The following NOTCH2 variants were observed in gnomAD, a reference collection of about 807,000 sequenced individuals.
NOTCH2 encodes the protein notch receptor 2.
A neutral mutation model predicts 235.8 loss-of-function variants in NOTCH2; 29 were observed. That is an observed-to-expected ratio of 0.12 (90% confidence interval 0.09 to 0.17). The LOEUF is 0.17. Ranked by LOEUF, NOTCH2 falls within the 10% of genes least tolerant of loss-of-function variation. The pLI, the probability that NOTCH2 is intolerant of heterozygous loss-of-function variation, is 1.00. For missense variants in NOTCH2, 2,285 were observed against 3,150.2 expected (o/e 0.73, Z 6.57); for synonymous variants, 1,086 against 1,141.5 (o/e 0.95, Z 0.98).
intron 5 of NOTCH2, among the ~76,000 whole-genome samples, chr1:119,982,688 G>T (rs899328887): frequency 6.6e-6 from 1 of 152,172 alleles, no homozygotes; most frequent in African/African-American, 2.4e-5. Flanking sequence ...CAGTATTCAG[G>T]CTTATCCCTA....
At chr1:119,958,644 G>A (rs1570692931) in intron 12 of NOTCH2, among the ~76,000 whole-genome samples, 1 of 152,028 alleles carries the variant, frequency 6.6e-6, no homozygotes, top group Non-Finnish European at 1.5e-5. Context: ...TTCTGCAGTA[G>A]TAGCCTCTAG....
intron 5 of NOTCH2, among the ~76,000 whole-genome samples, chr1:119,985,743 T>C (rs1651996215): frequency 6.6e-6 from 1 of 152,196 alleles, no homozygotes. Context: ...AGTAATTTTT[T>C]AAGTTGAAAA....
In NOTCH2 at chr1:120,029,427, T is replaced by C. The variant is rs1431193526; in HGVS notation, c.155+479A>G. Among the ~76,000 whole-genome samples the C allele has an allele frequency of 2.0e-5, 3 of 152,132 alleles. No individual in the cohort carries two copies. In the East Asian group the frequency reaches 5.8e-4, roughly 29 times the overall value. ...GTGCAATGATGTGGTGTCAGCTCAC[T>C]GCAACCTCCGCCTCCTGGGTTCAAG... On this transcript the variant is annotated intron_variant, in intron 2 of 33. Transcript: ENST00000256646.
rs2101169022 is a variant in NOTCH2, at chr1:119,929,019, C to T, written c.3849G>A (p.Gln1283=). ...CSSEGSLDCI[Q]LTNDYLCVCR... ...AAACACACAGGTAGTCATTGGTGAG[C>T]TGTATACAGTCCAGGCTGCCCTCAG... The change falls in exon 23 of 34, where the codon CAG becomes CAA. Residue 1283 remains glutamine, a synonymous_variant. Transcript: ENST00000256646. 1 of 1,614,130 alleles carries T rather than the reference C, an allele frequency of 6.2e-7. No homozygotes were observed. The highest frequency in any genetic ancestry group is 8.5e-7 in the Non-Finnish European group (1 of 1,180,022).
chr1:119,996,882 A>G, intron 4 of NOTCH2, 115 bp downstream of exon 4: 2 of 1,316,850 alleles, frequency 1.5e-6, no homozygotes, highest in South Asian at 2.5e-5. Context: ...ACCCCACACA[A>G]AATTCTCACT....
At chr1:119,976,865 A>T (rs587636959) in intron 5 of NOTCH2, among the ~76,000 whole-genome samples, 45 of 151,686 alleles carry the variant, frequency 3.0e-4, no homozygotes, top group African/African-American at 1.1e-3. Flanking sequence ...TCTTATCCTC[A>T]CTCTCCCCAA....
At chr1:120,006,939 C>G (rs182299522) in intron 2 of NOTCH2, among the ~76,000 whole-genome samples, 1 of 152,072 alleles carries the variant, frequency 6.6e-6, no homozygotes, top group African/African-American at 2.4e-5. Context: ...AGGCCAGATA[C>G]GAGGGAACTA....
intron 1 of NOTCH2, among the ~76,000 whole-genome samples, chr1:120,041,041 CAAAAAAAAAAAAAAAAAA>C (rs71586698): frequency 1.9e-4 from 3 of 15,670 alleles, no homozygotes; most frequent in South Asian, 2.6e-3. Flanking sequence ...ACTCTGCCTG[CAAAAAAAAAAAAAAAAAA>C]AAAAAAAAAA....
At chr1:119,949,535 C>T (rs1414970706) in intron 15 of NOTCH2, among the ~76,000 whole-genome samples, 1 of 151,820 alleles carries the variant, frequency 6.6e-6, no homozygotes, top group East Asian at 1.9e-4. Flanking sequence ...TACAGGCACC[C>T]ACCACGACGC....
At chr1:119,985,242 T>G (rs1651968295) in intron 5 of NOTCH2, among the ~76,000 whole-genome samples, 2 of 151,486 alleles carry the variant, frequency 1.3e-5, no homozygotes, top group Admixed American at 1.3e-4. Flanking sequence ...AAACCTGTGA[T>G]GAATAACAAA....
intron 17 of NOTCH2, among the ~76,000 whole-genome samples, chr1:119,945,784 C>A (rs1400133463): frequency 2.0e-5 from 3 of 151,944 alleles, no homozygotes; most frequent in Non-Finnish European, 4.4e-5. Flanking sequence ...TTTCAATACT[C>A]TTGAATAAGA....
chr1:120,005,076 C>T (rs587599558), intron 3 of NOTCH2, among the ~76,000 whole-genome samples: 3 of 152,200 alleles, frequency 2.0e-5, no homozygotes, highest in African/African-American at 7.2e-5. Flanking sequence ...GCGTGCACCA[C>T]CGCACCTGGC....
At chr1:120,047,813 G>T in intron 1 of NOTCH2, among the ~76,000 whole-genome samples, 1 of 112,138 alleles carries the variant, frequency 8.9e-6, no homozygotes, top group African/African-American at 4.1e-5. Context: ...TGCCCAGGTT[G>T]GAGTGCAATG....
intron 2 of NOTCH2, among the ~76,000 whole-genome samples, chr1:120,014,528 G>A (rs1653350908): frequency 7.2e-6 from 1 of 138,628 alleles, no homozygotes; most frequent in Non-Finnish European, 1.5e-5. Context: ...GAAAAACAAG[G>A]GATTCCTCCT....
At chr1:120,024,783 A>G (rs1461263829) in intron 2 of NOTCH2, among the ~76,000 whole-genome samples, 1 of 152,200 alleles carries the variant, frequency 6.6e-6, no homozygotes, top group African/African-American at 2.4e-5. Context: ...ACTACGTTAG[A>G]TATTTACCAA....
chr1:119,943,924 C>T (rs587610693), intron 17 of NOTCH2, among the ~76,000 whole-genome samples: 1 of 151,904 alleles, frequency 6.6e-6, no homozygotes, highest in African/African-American at 2.4e-5. Flanking sequence ...AACATAATAT[C>T]TGAGGGAAAA....
rs782423701 is a variant in NOTCH2 at position 119,940,711 on chromosome 1, G to C, written c.3027C>G (p.Phe1009Leu). Residue 1009 changes from phenylalanine to leucine, a missense_variant, in exon 19 of 34, where the codon TTC (phenylalanine) becomes TTG (leucine). Coordinates refer to ENST00000256646, the MANE Select transcript of NOTCH2 (RefSeq NM_024408.4). ...GGTCVDGINSFSCLCPVGFTG... is the reference protein window; with the variant it reads ...GGTCVDGINSLSCLCPVGFTG... ...TGAAACCCACAGGGCACAAGCAAGAGAAGGAGTTAATCCCATCAACACATG... is the reference window on the plus strand; with the variant it reads ...TGAAACCCACAGGGCACAAGCAAGACAAGGAGTTAATCCCATCAACACATG... 1 of 1,614,206 alleles carries C rather than the reference G, an allele frequency of 6.2e-7. No individual in the cohort carries two copies. The highest frequency in any genetic ancestry group is 1.1e-5 in the South Asian group (1 of 91,086).
intron 5 of NOTCH2, among the ~76,000 whole-genome samples, chr1:119,971,164 C>T (rs1651344793): frequency 6.6e-6 from 1 of 152,188 alleles, no homozygotes; most frequent in African/African-American, 2.4e-5. Flanking sequence ...CACTCTATCA[C>T]ACTTATTTGG....
At chr1:119,948,368 T>G (rs782737215) in intron 17 of NOTCH2, 46 bp downstream of exon 17, 1 of 1,611,730 alleles carries the variant, frequency 6.2e-7, no homozygotes, top group Non-Finnish European at 8.5e-7. Flanking sequence ...GCTCCCTGTG[T>G]GTTTTCCTCT....
Sources: gnomAD v4.1 joint callset for allele counts (sites outside exome capture counted in the v4.1 genomes callset) on GRCh38, gnomAD v4.1.1 for gene constraint, MANE v1.5 for transcripts, NCBI Gene and HGNC (gene_info 2026-07-23, HGNC 2026-07-21) for gene names.